Variants in NTN1 observed in about 807,000 individuals in gnomAD.
NTN1 encodes the protein netrin 1.
NTN1 carries 11 observed loss-of-function variants against 54.2 expected under a neutral mutation model. That is an observed-to-expected ratio of 0.20 (90% CI 0.13 to 0.34). The LOEUF (loss-of-function observed/expected upper bound fraction) is 0.34, where lower values mean the gene tolerates loss of function less well. Among genes scored for constraint, NTN1 ranks in the 10% least tolerant of loss-of-function variants. The pLI, the probability that NTN1 is intolerant of heterozygous loss-of-function variation, is 1.00. For synonymous variants in NTN1, 371 were observed against 382.0 expected (o/e 0.97, Z 0.33); for missense variants, 740 against 893.1 (o/e 0.83, Z 2.18).
chr17:9,054,264 AGTGGATCCCCGAAGAGCC>A (rs2091970545), intron 2 of NTN1, among the ~76,000 whole-genome samples: 1 of 152,172 alleles, frequency 6.6e-6, no homozygotes, highest in Non-Finnish European at 1.5e-5. Context: ...TGCCACACAG[AGTGGATCCCCGAAGAGCC>A]GAGATGTTAA....
At chr17:9,226,517 T>TGGTCTCGTGGGGAGGC (rs1567745078) in intron 6 of NTN1, among the ~76,000 whole-genome samples, 5 of 54,582 alleles carry the variant, frequency 9.2e-5, no homozygotes, top group African/African-American at 1.5e-4. Flanking sequence ...CGTGGGGAGG[T>TGGTCTCGTGGGGAGGC]GGTCTCGTGG....
At chr17:9,229,943 A>C (rs1905748763) in intron 6 of NTN1, among the ~76,000 whole-genome samples, 1 of 152,064 alleles carries the variant, frequency 6.6e-6, no homozygotes, top group South Asian at 2.1e-4. Flanking sequence ...GTCCTGGCTC[A>C]GCCCTTGTCC....
chr17:9,214,417 A>G (rs1446636492), intron 5 of NTN1, among the ~76,000 whole-genome samples: 1 of 152,224 alleles, frequency 6.6e-6, no homozygotes, highest in Admixed American at 6.5e-5. Flanking sequence ...CACTATAAAC[A>G]TGCTTGCCTT....
chr17:9,096,276 T>A (rs2092131599), intron 2 of NTN1, among the ~76,000 whole-genome samples: 1 of 151,976 alleles, frequency 6.6e-6, no homozygotes, highest in African/African-American at 2.4e-5. Context: ...TTGCTATTGG[T>A]ATATATGAAA....
chr17:9,163,012 C>A lies in NTN1; in HGVS notation c.1207+11C>A. 1 of 1,587,040 alleles carries A rather than the reference C, an allele frequency of 6.3e-7. No homozygotes were observed. Among genetic ancestry groups the A allele is most frequent in the Admixed American group, 1.8e-5 (1 of 56,912 alleles). On this transcript the variant is annotated intron_variant, in intron 3 of 6. Coordinates refer to ENST00000173229, the MANE Select transcript of NTN1 (RefSeq NM_004822.3). The stretch of plus-strand genomic sequence containing the variant: ...GGAAGGCCTGCAAAGGTGGGCTACA[C>A]GTGGCGGGGCGGGGGGCTGGGGAGA...
chr17:9,018,014 C>T (rs1039120435), upstream of NTN1, among the ~76,000 whole-genome samples: 1 of 152,064 alleles, frequency 6.6e-6, no homozygotes, highest in African/African-American at 2.4e-5. Context: ...AGGCAGAGAA[C>T]CTTGATCTGG....
chr17:9,007,225 C>T, the NTN1 span, among the ~76,000 whole-genome samples: 1 of 139,368 alleles, frequency 7.2e-6, no homozygotes, highest in Non-Finnish European at 1.5e-5. Flanking sequence ...TTCTTTCTCT[C>T]TGTTTCTTTT....
intron 5 of NTN1, among the ~76,000 whole-genome samples, chr17:9,207,954 C>T (rs1045298094): frequency 6.6e-6 from 1 of 152,258 alleles, no homozygotes; most frequent in African/African-American, 2.4e-5. Flanking sequence ...CCTAAACCAG[C>T]TGGGTGCAGT....
chr17:9,231,133 G>A (rs751077249), intron 6 of NTN1, among the ~76,000 whole-genome samples: 6 of 152,100 alleles, frequency 3.9e-5, no homozygotes, highest in South Asian at 2.1e-4. Context: ...AGGTGTACCC[G>A]CTGGCTCTCC....
At chr17:9,059,329 G>A (rs1448947574) in intron 2 of NTN1, among the ~76,000 whole-genome samples, 2 of 152,142 alleles carry the variant, frequency 1.3e-5, no homozygotes, top group Non-Finnish European at 2.9e-5. Flanking sequence ...CAGGTATTTA[G>A]AACTGAAAAC....
At chr17:9,058,405 G>A (rs2091985688) in intron 2 of NTN1, among the ~76,000 whole-genome samples, 2 of 152,194 alleles carry the variant, frequency 1.3e-5, no homozygotes, top group African/African-American at 2.4e-5. Context: ...TCATTCATAT[G>A]AACATTAGTT....
chr17:9,197,931 G>T (rs759128217), intron 5 of NTN1, among the ~76,000 whole-genome samples: 2 of 152,190 alleles, frequency 1.3e-5, no homozygotes, highest in Non-Finnish European at 2.9e-5. Flanking sequence ...CTTCACCAGA[G>T]AAGCCTCCAA....
chr17:9,086,816 C>T (rs535074008), intron 2 of NTN1, among the ~76,000 whole-genome samples: 2 of 152,264 alleles, frequency 1.3e-5, no homozygotes, highest in South Asian at 4.1e-4. Flanking sequence ...ACCATCATCA[C>T]CATCATCGTT....
At chr17:9,185,078 G>GA (rs1357522982) in intron 5 of NTN1, among the ~76,000 whole-genome samples, 1 of 152,244 alleles carries the variant, frequency 6.6e-6, no homozygotes, top group Non-Finnish European at 1.5e-5. Flanking sequence ...GAGGCTGAGT[G>GA]AGCAGGTTGG....
chr17:9,052,351 T>C (rs2091963647), intron 2 of NTN1, among the ~76,000 whole-genome samples: 1 of 152,192 alleles, frequency 6.6e-6, no homozygotes, highest in Admixed American at 6.5e-5. Context: ...GCATGTTATA[T>C]GTGCTTTCCC....
At chr17:9,020,927 G>A (rs2091844022), upstream of NTN1, among the ~76,000 whole-genome samples, 1 of 152,066 alleles carries the variant, frequency 6.6e-6, no homozygotes, top group African/African-American at 2.4e-5. Context: ...CCTCCTCGCC[G>A]GACCCCGGGG....
intron 2 of NTN1, among the ~76,000 whole-genome samples, chr17:9,159,864 G>A (rs544873369): frequency 3.8e-4 from 58 of 152,110 alleles, no homozygotes; most frequent in Non-Finnish European, 6.8e-4. Context: ...ATTCAACCCA[G>A]TAATTCCATC....
intron 2 of NTN1, among the ~76,000 whole-genome samples, chr17:9,110,793 G>T (rs985280175): frequency 6.6e-6 from 1 of 152,128 alleles, no homozygotes; most frequent in Non-Finnish European, 1.5e-5. Context: ...CTGGCAACCC[G>T]TAGCATTCTT....
At chr17:9,226,945 G>A (rs577165489) in intron 6 of NTN1, among the ~76,000 whole-genome samples, 60 of 152,110 alleles carry the variant, frequency 3.9e-4, no homozygotes, top group African/African-American at 1.2e-3. Context: ...GAGCATCCCA[G>A]CCCCGCCCCC....
Sources: gnomAD v4.1 joint callset for allele counts (sites outside exome capture counted in the v4.1 genomes callset) on GRCh38, gnomAD v4.1.1 for gene constraint, MANE v1.5 for transcripts, NCBI Gene and HGNC (gene_info 2026-07-23, HGNC 2026-07-21) for gene names.